RTKN: variants seen among roughly 807,000 people sequenced by gnomAD.
RTKN encodes the protein rhotekin.
Under a neutral mutation model 63.5 loss-of-function variants are expected in RTKN, and 49 were observed. The observed-to-expected ratio is 0.77, with a 90% CI of 0.61 to 0.98. The LOEUF (loss-of-function observed/expected upper bound fraction) is 0.98, where lower values mean the gene tolerates loss of function less well. Among genes scored for constraint, RTKN ranks in the 50% least tolerant of loss-of-function variants. RTKN has a pLI of 0.00. For missense variants in RTKN, 685 were observed against 740.8 expected (o/e 0.92, Z 0.87); for synonymous variants, 295 against 290.4 (o/e 1.02, Z -0.16).
At position 74,429,880 on chromosome 2, in the gene RTKN, T is replaced by C; in HGVS notation, c.703A>G (p.Ser235Gly). ...SGRRVRASLD[S>G]AGGSGSSPIL... Reference sequence around the variant, plus strand: ...GGACTGCTCCCTGAACCCCCAGCACTGTCCAGCGATGCCCGGACACGCCTC... The same window carrying C: ...GGACTGCTCCCTGAACCCCCAGCACCGTCCAGCGATGCCCGGACACGCCTC... The change falls in exon 6 of 12, where the codon AGT (serine) becomes GGT (glycine). Residue 235 changes from serine (S) to glycine (G), a missense_variant. Physicochemically the swap from Ser to Gly is moderately conservative, Grantham distance 56. Coordinates refer to ENST00000272430, the MANE Select transcript of RTKN (RefSeq NM_001015055.2). The C allele has an allele frequency of 6.2e-7, 1 of 1,614,184 alleles. No individual in the cohort carries two copies.
intron 1 of RTKN, among the ~76,000 whole-genome samples, chr2:74,440,808 C>G (rs1036847749): frequency 3.3e-5 from 5 of 152,256 alleles, no homozygotes; most frequent in African/African-American, 1.2e-4. Flanking sequence ...CCTCTTTGTT[C>G]TGGGCAGGCT....
chr2:74,427,021 A>C lies in RTKN; in HGVS notation c.1360+148T>G, dbSNP rs894362133. On this transcript the variant is annotated intron_variant, in intron 11 of 11. Coordinates refer to ENST00000272430, the MANE Select transcript of RTKN (RefSeq NM_001015055.2). The stretch of plus-strand genomic sequence containing the variant: ...TAAAAAGAGTTGGAGAGGAGAAAAG[A>C]ACACACAAGATTGGGTGAGACTTGG... The C allele has an allele frequency of 6.2e-6, 9 of 1,440,896 alleles. No homozygotes were observed. In the African/African-American group the frequency reaches 7.2e-5, roughly 11 times the overall value. 89.3% of individuals were successfully genotyped at this position (1,440,896 alleles called of 1,614,324 possible).
At chr2:74,433,257 C>T (rs1297050387) in intron 1 of RTKN, among the ~76,000 whole-genome samples, 9 of 144,332 alleles carry the variant, frequency 6.2e-5, no homozygotes, top group African/African-American at 1.5e-4. Context: ...AAAAAAAAAA[C>T]ATATATATAT....
Position 74,425,964 on chromosome 2 carries a change from A to C in RTKN, c.*279T>G. On this transcript the variant is annotated 3_prime_UTR_variant, in exon 12 of 12. Coordinates refer to ENST00000272430, the MANE Select transcript of RTKN (RefSeq NM_001015055.2). The stretch of plus-strand genomic sequence containing the variant: ...CCAAGGGTTCTTCAGTGCCATCCTC[A>C]AAGCTGGTTAGTGCAGGGAGGTAGG... 2 of 665,680 alleles carry C rather than the reference A, an allele frequency of 3.0e-6. No individual in the cohort carries two copies. Among genetic ancestry groups the C allele is most frequent in the South Asian group, 3.9e-5 (2 of 51,418 alleles). The allele number at this position is 665,680 out of a possible 1,614,324, so 41.2% of individuals were successfully genotyped here. A position where few individuals can be genotyped will look rare whatever the true frequency, so the allele number is the denominator to read the frequency against.
chr2:74,428,155 G>A, intron 9 of RTKN, 113 bp downstream of exon 9: 1 of 1,378,612 alleles, frequency 7.3e-7, no homozygotes, highest in South Asian at 1.2e-5. Flanking sequence ...GCACTGTCAG[G>A]AGCAGGAGGC....
chr2:74,427,401 A>C, intron 10 of RTKN, 23 bp downstream of exon 10: 1 of 1,612,312 alleles, frequency 6.2e-7, no homozygotes, highest in Non-Finnish European at 8.5e-7. Flanking sequence ...CCAAAGGTTC[A>C]ACCCAGCCCC....
At position 74,430,367 on chromosome 2, in the gene RTKN, A is replaced by C. The variant is rs1411363217; in HGVS notation, c.430T>G (p.Leu144Val). The change falls in exon 5 of 12, where the codon TTG (leucine) becomes GTG (valine). Residue 144 changes from leucine (L) to valine (V), a missense_variant and splice_region_variant. Physicochemically the swap from Leu to Val is conservative, Grantham distance 32. Transcript: ENST00000272430. ...DTEYFKNKGD[L>V]HRWAVFLLLQ... The stretch of plus-strand genomic sequence containing the variant: ...AGCAGGAACACAGCCCAGCGGTGCA[A>C]GTCTGGGGACAAAGGGCAAAACAAA... 6.2e-7 allele frequency: 1 copy of C among 1,614,174 alleles called. No homozygotes were observed. Among genetic ancestry groups the C allele is most frequent in the African/African-American group, 1.3e-5 (1 of 75,058 alleles).
Position 74,425,892 on chromosome 2 carries a change from A to T in RTKN, c.*351T>A, listed in dbSNP as rs1670359567. On this transcript the variant is annotated 3_prime_UTR_variant, in exon 12 of 12. Coordinates refer to ENST00000272430, the MANE Select transcript of RTKN (RefSeq NM_001015055.2). ...GGAGCCAGGTGAAGGCTGCTGTTAA[A>T]TAACTTTAATGGTTGATGTGGGAGT... 1 of 903,350 alleles carries T rather than the reference A, an allele frequency of 1.1e-6. No individual in the cohort carries two copies. 56.0% of individuals were successfully genotyped at this position (903,350 alleles called of 1,614,324 possible). A position where few individuals can be genotyped will look rare whatever the true frequency, so the allele number is the denominator to read the frequency against.
intron 1 of RTKN, chr2:74,440,008 C>G: frequency 9.4e-7 from 1 of 1,064,284 alleles, no homozygotes; most frequent in Non-Finnish European, 1.1e-6. Flanking sequence ...TTCATTCCGA[C>G]TCTGGCCGCT....
intron 1 of RTKN, chr2:74,439,526 T>C (rs760323391): frequency 1.4e-5 from 22 of 1,612,860 alleles, no homozygotes; most frequent in Admixed American, 1.7e-5. Context: ...GAAGGAGGTG[T>C]GTACTCCAAG....
intron 9 of RTKN, 94 bp downstream of exon 9, chr2:74,428,174 A>G: frequency 2.6e-6 from 4 of 1,550,528 alleles, no homozygotes; most frequent in Admixed American, 1.7e-5. Flanking sequence ...GCCTGCTTCT[A>G]TCTCTCTGAG....
intron 9 of RTKN, 80 bp downstream of exon 9, chr2:74,428,188 T>A (rs903419069): frequency 1.3e-6 from 2 of 1,593,632 alleles, no homozygotes; most frequent in East Asian, 4.5e-5. Context: ...CTCTGAGGTA[T>A]GTGCCCACCC....
At chr2:74,427,124 C>A in intron 11 of RTKN, 45 bp downstream of exon 11, 5 of 1,582,936 alleles carry the variant, frequency 3.2e-6, no homozygotes, top group Non-Finnish European at 4.3e-6. Flanking sequence ...AGTCCCCAAC[C>A]CTACTTCCCA....
chr2:74,427,063 T>C, intron 11 of RTKN, 106 bp downstream of exon 11: 1 of 1,500,518 alleles, frequency 6.7e-7, no homozygotes, highest in East Asian at 2.3e-5. Context: ...AGAGATCTGG[T>C]GTAGCCCAGA....
In RTKN at chr2:74,429,832, C is replaced by T. The variant is rs778870230; in HGVS notation, c.751G>A (p.Val251Ile). The T allele has an allele frequency of 2.5e-6, 4 of 1,613,438 alleles. No individual in the cohort carries two copies. The African/African-American group carries it at 5.3e-5, about 22-fold the overall frequency. ...TGTCGGTGTGCAAGGCCTTACCCAA[C>T]AACTGGGGTGGGGAGCAAGATGGGA... ...SSPILLPTPV[V>I]GGPRYHLLAH... Residue 251 changes from valine (V) to isoleucine (I), a missense_variant, in exon 6 of 12, where the codon GTT becomes ATT. By Grantham distance (29) the Val-to-Ile change is conservative. Transcript: ENST00000272430.
In RTKN at chr2:74,425,978, C is replaced by T; in HGVS notation, c.*265G>A. On this transcript the variant is annotated 3_prime_UTR_variant, in exon 12 of 12. Coordinates refer to ENST00000272430, the MANE Select transcript of RTKN (RefSeq NM_001015055.2). ...GTGCCATCCTCAAAGCTGGTTAGTG[C>T]AGGGAGGTAGGGCAGAGTTGGTTCC... 1 of 654,762 alleles carries T rather than the reference C, an allele frequency of 1.5e-6. No individual in the cohort carries two copies. The highest frequency in any genetic ancestry group is 2.6e-6 in the Non-Finnish European group (1 of 387,568). 40.6% of individuals were successfully genotyped at this position (654,762 alleles called of 1,614,324 possible).
At position 74,426,322 on chromosome 2, in the gene RTKN, A is replaced by C; in HGVS notation, c.1613T>G (p.Leu538Arg). ...GGTCCGTGGGGATCGCTGAGGTGGG[A>C]GGGGGGCAACCGAGCGAGCCCTAGG... The part of the protein sequence containing the change: ...HSPRARSVAP[L>R]PPQRSPRTRG... The change falls in exon 12 of 12, where the codon CTC becomes CGC. Residue 538 changes from leucine (L) to arginine (R), a missense_variant. By Grantham distance (102) the Leu-to-Arg change is moderately radical. Coordinates refer to ENST00000272430, the MANE Select transcript of RTKN (RefSeq NM_001015055.2). The C allele has an allele frequency of 6.2e-7, 1 of 1,612,978 alleles. No homozygotes were observed. The highest frequency in any genetic ancestry group is 8.5e-7 in the Non-Finnish European group (1 of 1,179,676).
Position 74,441,861 on chromosome 2 carries a change from C to G in RTKN, c.-45G>C. 1 of 1,290,486 alleles carries G rather than the reference C, an allele frequency of 7.7e-7. No homozygotes were observed. Among genetic ancestry groups the G allele is most frequent in the Non-Finnish European group, 1.1e-6 (1 of 906,084 alleles). 79.9% of individuals were successfully genotyped at this position (1,290,486 alleles called of 1,614,324 possible). ...TGCCTGCTCAGTGCGCTCCCCGCGCCGCCCGGCTTAGCCTCCTCTCCTCGG... is the reference window on the plus strand; with the variant it reads ...TGCCTGCTCAGTGCGCTCCCCGCGCGGCCCGGCTTAGCCTCCTCTCCTCGG... On this transcript the variant is annotated 5_prime_UTR_variant, in exon 1 of 12. Transcript: ENST00000272430.
chr2:74,430,847 G>A (rs1670709251), intron 2 of RTKN, 170 bp from the exon 3 acceptor site: 1 of 645,244 alleles, frequency 1.5e-6, no homozygotes, highest in East Asian at 2.7e-5. Context: ...ATTGAACCCA[G>A]CAGTTTGCCA....
Sources: gnomAD v4.1 joint callset for allele counts (sites outside exome capture counted in the v4.1 genomes callset) on GRCh38, gnomAD v4.1.1 for gene constraint, MANE v1.5 for transcripts, NCBI Gene and HGNC (gene_info 2026-07-23, HGNC 2026-07-21) for gene names.